Variants in TAFA1 observed in about 807,000 individuals in gnomAD.
TAFA1 encodes the protein chemokine-like protein TAFA-1.
A neutral mutation model predicts 18.5 loss-of-function variants in TAFA1; 4 were observed. That is an observed-to-expected ratio of 0.22 (90% CI 0.11 to 0.49). The LOEUF is 0.49. TAFA1 is among the 20% of genes least tolerant of loss of function. TAFA1 has a pLI of 0.98. For synonymous variants in TAFA1, 56 were observed against 55.2 expected (o/e 1.01, Z -0.06); for missense variants, 147 against 169.0 (o/e 0.87, Z 0.72).
intron 2 of TAFA1, among the ~76,000 whole-genome samples, chr3:68,322,709 G>A (rs1202025883): frequency 2.0e-5 from 3 of 152,152 alleles, no homozygotes; most frequent in South Asian, 2.1e-4. Flanking sequence ...TTGGGAGGCC[G>A]AGGCAGGTGG....
intron 2 of TAFA1, among the ~76,000 whole-genome samples, chr3:68,081,901 C>T (rs1157632236): frequency 6.6e-6 from 1 of 152,210 alleles, no homozygotes; most frequent in Non-Finnish European, 1.5e-5. Flanking sequence ...GGCGGGCGCC[C>T]CTCTCCCAGC....
At chr3:68,407,523 A>G (rs1429649703) in intron 2 of TAFA1, among the ~76,000 whole-genome samples, 2 of 152,178 alleles carry the variant, frequency 1.3e-5, no homozygotes, top group Non-Finnish European at 2.9e-5. Flanking sequence ...ATAGGATGCA[A>G]TATTCTTGAC....
chr3:68,367,027 C>A (rs967410933), intron 2 of TAFA1, among the ~76,000 whole-genome samples: 1 of 152,138 alleles, frequency 6.6e-6, no homozygotes, highest in Non-Finnish European at 1.5e-5. Flanking sequence ...TTTTCCTTAC[C>A]CCTTAAGCAG....
intron 2 of TAFA1, among the ~76,000 whole-genome samples, chr3:68,126,469 T>C (rs892041167): frequency 2.0e-5 from 3 of 152,224 alleles, no homozygotes; most frequent in African/African-American, 7.2e-5. Context: ...TCCTGGCAAG[T>C]ATTCAATTTT....
intron 2 of TAFA1, among the ~76,000 whole-genome samples, chr3:68,229,988 G>A (rs1172685385): frequency 6.6e-6 from 1 of 151,896 alleles, no homozygotes; most frequent in Admixed American, 6.6e-5. Flanking sequence ...TACTTTTATG[G>A]ATACACAAGA....
intron 2 of TAFA1, among the ~76,000 whole-genome samples, chr3:68,154,727 G>T (rs2065846918): frequency 6.6e-6 from 1 of 152,080 alleles, no homozygotes; most frequent in Non-Finnish European, 1.5e-5. Flanking sequence ...CTGCCTTGGG[G>T]GTAGTTCTCT....
At chr3:68,171,266 G>A (rs1192322614) in intron 2 of TAFA1, among the ~76,000 whole-genome samples, 2 of 17,736 alleles carry the variant, frequency 1.1e-4, no homozygotes, top group Non-Finnish European at 3.6e-4. Context: ...AAGATAGAAT[G>A]GGCTGAGTGA....
chr3:68,498,746 T>G (rs990064506), intron 3 of TAFA1, among the ~76,000 whole-genome samples: 2 of 90,774 alleles, frequency 2.2e-5, no homozygotes, highest in African/African-American at 3.9e-5. Flanking sequence ...TTTTTTTTTT[T>G]TTTTTTTTTT....
At chr3:68,507,442 C>A (rs1055468917) in intron 3 of TAFA1, among the ~76,000 whole-genome samples, 2 of 151,776 alleles carry the variant, frequency 1.3e-5, no homozygotes, top group African/African-American at 2.4e-5. Flanking sequence ...ACATGATTAC[C>A]AGGTTGTCAG....
chr3:68,443,073 G>T (rs2071413367), intron 3 of TAFA1, among the ~76,000 whole-genome samples: 1 of 152,104 alleles, frequency 6.6e-6, no homozygotes, highest in Admixed American at 6.5e-5. Context: ...ACATCAAGTG[G>T]CAGAGAGTAG....
chr3:68,067,100 CATA>C (rs1278735486), intron 2 of TAFA1, among the ~76,000 whole-genome samples: 1 of 152,128 alleles, frequency 6.6e-6, no homozygotes, highest in African/African-American at 2.4e-5. Flanking sequence ...TAACTGTGTC[CATA>C]ATATTGGCCA....
intron 3 of TAFA1, among the ~76,000 whole-genome samples, chr3:68,423,062 C>T (rs1226269886): frequency 6.6e-6 from 1 of 151,804 alleles, no homozygotes; most frequent in South Asian, 2.1e-4. Context: ...TTAAAACAAA[C>T]AAAAATAAAT....
At chr3:68,013,112 T>A (rs1704504337) in intron 2 of TAFA1, among the ~76,000 whole-genome samples, 2 of 152,186 alleles carry the variant, frequency 1.3e-5, no homozygotes, top group South Asian at 4.1e-4. Flanking sequence ...CCTCTGTTCA[T>A]CCTTTTATCT....
chr3:68,495,501 A>T (rs186412856), intron 3 of TAFA1, among the ~76,000 whole-genome samples: 1 of 152,290 alleles, frequency 6.6e-6, no homozygotes, highest in Admixed American at 6.5e-5. Context: ...GGACCTCAAT[A>T]TATGAATTCT....
chr3:68,402,993 A>T (rs1041355546), intron 2 of TAFA1, among the ~76,000 whole-genome samples: 6 of 152,204 alleles, frequency 3.9e-5, no homozygotes, highest in African/African-American at 1.4e-4. Context: ...TTAACGACAG[A>T]CCTATAAGAT....
At chr3:68,158,349 G>A (rs1480491120) in intron 2 of TAFA1, among the ~76,000 whole-genome samples, 2 of 152,054 alleles carry the variant, frequency 1.3e-5, no homozygotes, top group Non-Finnish European at 2.9e-5. Context: ...AATGTGTGCA[G>A]CATACGGTAT....
At chr3:68,475,986 C>T (rs1039883347) in intron 3 of TAFA1, among the ~76,000 whole-genome samples, 21 of 152,078 alleles carry the variant, frequency 1.4e-4, no homozygotes, top group African/African-American at 3.1e-4. Context: ...TCATGTCCTT[C>T]GCCCACTTTT....
intron 2 of TAFA1, among the ~76,000 whole-genome samples, chr3:68,201,666 C>T (rs1602555): frequency 0.66 from 99,846 of 151,540 alleles, 33,735 homozygotes; most frequent in South Asian, 0.77. Context: ...TGCATTGTAG[C>T]CTGCCCTGTC....
chr3:68,433,966 G>C (rs1013163924), intron 3 of TAFA1, among the ~76,000 whole-genome samples: 5 of 152,002 alleles, frequency 3.3e-5, no homozygotes, highest in Non-Finnish European at 7.4e-5. Context: ...TATGTGTAAA[G>C]GACATTCTTT....
Sources: gnomAD v4.1 joint callset for allele counts (sites outside exome capture counted in the v4.1 genomes callset) on GRCh38, gnomAD v4.1.1 for gene constraint, MANE v1.5 for transcripts, NCBI Gene and HGNC (gene_info 2026-07-23, HGNC 2026-07-21) for gene names.